The following BICDL2 variants were observed in gnomAD, a reference collection of about 807,000 sequenced individuals.
BICDL2 encodes the protein BICD family-like cargo adapter 2.
BICDL2 carries 62 observed loss-of-function variants against 56.6 expected under a neutral mutation model. The ratio of observed to expected loss-of-function variants is 1.10; its 90% confidence interval spans 0.89 to 1.35. BICDL2 has a LOEUF of 1.35. Among genes scored for constraint, BICDL2 ranks in the 40% most tolerant of loss-of-function variants. The pLI, the probability that BICDL2 is intolerant of heterozygous loss-of-function variation, is 0.00. For missense variants in BICDL2, 808 were observed against 684.5 expected (o/e 1.18, Z -2.01); for synonymous variants, 358 against 319.8 (o/e 1.12, Z -1.27).
Position 3,030,693 on chromosome 16 carries a change from C to T in BICDL2, c.615+3G>A. 1 of 1,610,126 alleles carries T rather than the reference C, an allele frequency of 6.2e-7. No individual in the cohort carries two copies. The highest frequency in any genetic ancestry group is 8.5e-7 in the Non-Finnish European group (1 of 1,179,084). The stretch of plus-strand genomic sequence containing the variant: ...TAATCCCCCAGCCCCAGCTGACACT[C>T]ACTTCCCCCTGCAGACTCTCCAGCC... On this transcript the variant is annotated splice_donor_region_variant and intron_variant, in intron 4 of 9. Transcript: ENST00000572449.
In BICDL2 at chr16:3,029,660, T is replaced by A; in HGVS notation, c.842A>T (p.Glu281Val). 6.5e-7 allele frequency: 1 copy of A among 1,536,444 alleles called. No individual in the cohort carries two copies. Among genetic ancestry groups the A allele is most frequent in the Non-Finnish European group, 8.7e-7 (1 of 1,146,520 alleles). Residue 281 changes from glutamate to valine, a missense_variant, in exon 6 of 10, where the codon GAG (glutamate) becomes GTG (valine). Coordinates refer to ENST00000572449, the MANE Select transcript of BICDL2 (RefSeq NM_001369667.1). Reference protein sequence around the residue: ...RLQRRVSELEEESRLQDADVS... With the variant: ...RLQRRVSELEVESRLQDADVS... Reference sequence around the variant, plus strand: ...GTCGGCGTCCTGGAGGCGTGACTCCTCCTCCAGCTCGGAGACGCGCCGCTG... The same window carrying A: ...GTCGGCGTCCTGGAGGCGTGACTCCACCTCCAGCTCGGAGACGCGCCGCTG...
rs2151141571 is a variant in BICDL2 at position 3,030,590 on chromosome 16, C to T, written c.621G>A (p.Gln207=). The T allele has an allele frequency of 1.3e-6, 2 of 1,597,396 alleles. No homozygotes were observed. The highest frequency in any genetic ancestry group is 1.1e-5 in the South Asian group (1 of 89,508). Residue 207 remains glutamine, a synonymous_variant, in exon 5 of 10, where the codon CAG becomes CAA. Transcript: ENST00000572449. The part of the protein sequence containing the change: ...TRLESLQGEN[Q]MLQSRRQDLE... ...GGTCCTGCCGGCGGCTCTGCAGCAT[C>T]TGGTTCTGGGGAAAGGCCTGAGAGC...
At position 3,028,713 on chromosome 16, in the gene BICDL2, C is replaced by G; in HGVS notation, c.1225G>C (p.Glu409Gln). The G allele has an allele frequency of 1.3e-6, 2 of 1,569,358 alleles. No individual in the cohort carries two copies. Among genetic ancestry groups the G allele is most frequent in the Non-Finnish European group, 1.7e-6 (2 of 1,157,432 alleles). The stretch of plus-strand genomic sequence containing the variant: ...CTTGAGGCTTACTTGTTCACGGCCT[C>G]GTCCCGGTCTGAGAGGGCACTGTGC... ...ALHSALSDRD[E>Q]AVNKALELSL... The change falls in exon 8 of 10, where the codon GAG (glutamate) becomes CAG (glutamine). Residue 409 changes from glutamate (E) to glutamine (Q), a missense_variant. Coordinates refer to ENST00000572449, the MANE Select transcript of BICDL2 (RefSeq NM_001369667.1).
intron 1 of BICDL2, 160 bp from the exon 2 acceptor site, chr16:3,035,686 G>A (rs1404840244): frequency 3.7e-5 from 23 of 628,134 alleles, no homozygotes; most frequent in Admixed American, 1.8e-4. Context: ...ACCCAGTTCC[G>A]TTAATGTCCC....
At chr16:3,032,144 G>C (rs1345487117) in intron 2 of BICDL2, 2 of 152,242 alleles carry the variant, frequency 1.3e-5, no homozygotes, top group Non-Finnish European at 2.9e-5. Flanking sequence ...ATGTTGGCCA[G>C]GCTGGTCCTG....
chr16:3,033,700 G>A (rs938113566), intron 2 of BICDL2, among the ~76,000 whole-genome samples: 2 of 151,992 alleles, frequency 1.3e-5, no homozygotes, highest in African/African-American at 4.8e-5. Flanking sequence ...TGGGAGGATT[G>A]CTTGAGCTCG....
At position 3,027,726 on chromosome 16, in the gene BICDL2, T is replaced by A. The variant is rs2072840411; in HGVS notation, c.*380A>T. On this transcript the variant is annotated 3_prime_UTR_variant, in exon 10 of 10. Transcript: ENST00000572449. ...TTCATTTTCTTTTTTTTTTTTTTTT[T>A]ACAATAAAGTTTCAGGCTTTTTTAC... 8.9e-7 allele frequency: 1 copy of A among 1,121,534 alleles called. No homozygotes were observed. Among genetic ancestry groups the A allele is most frequent in the Non-Finnish European group, 1.3e-6 (1 of 796,978 alleles). The allele number at this position is 1,121,534 out of a possible 1,614,324, so 69.5% of individuals were successfully genotyped here. A position where few individuals can be genotyped will look rare whatever the true frequency, so the allele number is the denominator to read the frequency against.
At chr16:3,036,278 T>C (rs1369508369) in intron 1 of BICDL2, 7 of 453,286 alleles carry the variant, frequency 1.5e-5, no homozygotes, top group African/African-American at 1.4e-4. Context: ...GGTAACAGGT[T>C]GTGCCGGCCG....
Position 3,030,949 on chromosome 16 carries a change from G to A in BICDL2, c.484C>T (p.Gln162Ter), listed in dbSNP as rs1387538041. The A allele has an allele frequency of 1.3e-6, 2 of 1,548,674 alleles. No homozygotes were observed. The highest frequency in any genetic ancestry group is 8.7e-7 in the Non-Finnish European group (1 of 1,152,798). Reference sequence around the variant, plus strand: ...GGCCATCCCACCTGAGCCAGCTGCTGGCTGAGCCGGAGGTTCTGCTCGCTG... The same window carrying A: ...GGCCATCCCACCTGAGCCAGCTGCTAGCTGAGCCGGAGGTTCTGCTCGCTG... ...ELSEQNLRLS[Q>*]QLAQASQTEQ... The change falls in exon 3 of 10, where the codon CAG becomes TAG. Residue 162 changes from glutamine to a stop codon, truncating the protein, a stop_gained. Transcript: ENST00000572449. LOFTEE classifies it high-confidence loss of function.
intron 7 of BICDL2, 22 bp from the exon 8 acceptor site, chr16:3,028,852 C>T (rs765052854): frequency 1.2e-4 from 183 of 1,530,366 alleles, no homozygotes; most frequent in Non-Finnish European, 1.5e-4. Flanking sequence ...GGAGGGGGGC[C>T]GTGCGGCAGA....
intron 7 of BICDL2, 102 bp from the exon 8 acceptor site, chr16:3,028,932 C>T: frequency 1.4e-6 from 2 of 1,394,346 alleles, no homozygotes; most frequent in South Asian, 1.4e-5. Context: ...CCTCTGCCTG[C>T]GACAGACACC....
At chr16:3,028,883 C>T (rs775104505) in intron 7 of BICDL2, 53 bp from the exon 8 acceptor site, 16 of 1,505,772 alleles carry the variant, frequency 1.1e-5, no homozygotes, top group Non-Finnish European at 1.3e-5. Context: ...GGCCTCCCTG[C>T]TTCTCCCAGC....
chr16:3,027,705 T>TTTTC lies in BICDL2; in HGVS notation c.*397_*400dup, dbSNP rs2072838618. On this transcript the variant is annotated 3_prime_UTR_variant, in exon 10 of 10. Transcript: ENST00000572449. ...GCTCAGGGTTTTAGAGTGTTTTTCATTTTCTTTTTTTTTTTTTTTTTACAA... is the reference window on the plus strand; with the variant it reads ...GCTCAGGGTTTTAGAGTGTTTTTCATTTTCTTTCTTTTTTTTTTTTTTTTTACAA... The TTTTC allele has an allele frequency of 6.7e-7, 1 of 1,486,030 alleles. No homozygotes were observed. Among genetic ancestry groups the TTTTC allele is most frequent in the African/African-American group, 1.7e-5 (1 of 58,666 alleles). The allele number at this position is 1,486,030 out of a possible 1,614,324, so 92.1% of individuals were successfully genotyped here. A position where few individuals can be genotyped will look rare whatever the true frequency, so the allele number is the denominator to read the frequency against.
At chr16:3,029,136 G>A in intron 7 of BICDL2, 144 bp downstream of exon 7, 1 of 1,056,856 alleles carries the variant, frequency 9.5e-7, no homozygotes, top group Non-Finnish European at 1.4e-6. Flanking sequence ...GTGGCATACA[G>A]GCTGGCTCTT....
rs571581877 is a variant in BICDL2 at position 3,035,766 on chromosome 16, T to C, written c.-30-240A>G. The C allele has an allele frequency of 2.7e-5, 14 of 515,126 alleles. No individual in the cohort carries two copies. In the South Asian group the frequency reaches 3.2e-4, roughly 12 times the overall value. 31.9% of individuals were successfully genotyped at this position (515,126 alleles called of 1,614,324 possible). On this transcript the variant is annotated intron_variant, in intron 1 of 9. Transcript: ENST00000572449. ...CCTTTGGCCTCTGCCAGACAATCTC[T>C]GTCCCCAGGAAAGCTCATTCCAGTG...
intron 2 of BICDL2, 194 bp from the exon 3 acceptor site, chr16:3,031,344 C>T (rs530058512): frequency 1.7e-4 from 100 of 599,874 alleles, no homozygotes; most frequent in South Asian, 1.2e-3. Context: ...GGGAAGGTTC[C>T]GAGCAGACAG....
Position 3,027,691 on chromosome 16 carries a change from T to TAAAA in BICDL2, c.*414_*415insTTTT. ...GACACCCCCAGCCAGCTCAGGGTTT[T>TAAAA]AGAGTGTTTTTCATTTTCTTTTTTT... On this transcript the variant is annotated 3_prime_UTR_variant, in exon 10 of 10. Transcript: ENST00000572449. The TAAAA allele has an allele frequency of 1.3e-6, 2 of 1,570,252 alleles. No homozygotes were observed. The highest frequency in any genetic ancestry group is 1.7e-6 in the Non-Finnish European group (2 of 1,166,130).
chr16:3,035,428 G>T lies in BICDL2; in HGVS notation c.69C>A (p.Asp23Glu), dbSNP rs760798005. The T allele has an allele frequency of 1.9e-6, 3 of 1,612,314 alleles. No homozygotes were observed. Among genetic ancestry groups the T allele is most frequent in the South Asian group, 1.1e-5 (1 of 91,076 alleles). ...PLSGGASPSG[D>E]EGFFPFVLER... ...CCAGCACAAAGGGGAAGAAGCCCTC[G>T]TCGCCGCTGGGAGAGGCGCCCCCTG... The change falls in exon 2 of 10, where the codon GAC becomes GAA. Residue 23 changes from aspartate (D) to glutamate (E), a missense_variant. Transcript: ENST00000572449.
chr16:3,031,311 T>A, intron 2 of BICDL2, 161 bp from the exon 3 acceptor site: 1 of 637,380 alleles, frequency 1.6e-6, no homozygotes, highest in Non-Finnish European at 2.7e-6. Context: ...GGAGGAAGCG[T>A]GAGCAAGACC....
Sources: gnomAD v4.1 joint callset for allele counts (sites outside exome capture counted in the v4.1 genomes callset) on GRCh38, gnomAD v4.1.1 for gene constraint, MANE v1.5 for transcripts, NCBI Gene and HGNC (gene_info 2026-07-23, HGNC 2026-07-21) for gene names.